KIF1B: variants seen among roughly 807,000 people sequenced by gnomAD.
KIF1B encodes kinesin family member 1B.
KIF1B carries 76 observed loss-of-function variants against 241.9 expected under a neutral mutation model. That is an observed-to-expected ratio of 0.31 (90% confidence interval 0.26 to 0.38). The LOEUF (loss-of-function observed/expected upper bound fraction) is 0.38, where lower values mean the gene tolerates loss of function less well. Among genes scored for constraint, KIF1B ranks in the 10% least tolerant of loss-of-function variants. KIF1B has a pLI of 1.00. For synonymous variants in KIF1B, 750 were observed against 796.7 expected, an observed-to-expected ratio of 0.94 and a Z score of 0.99; for missense variants, 1,622 against 2,271.4, an observed-to-expected ratio of 0.71 and a Z score of 5.81.
At chr1:10,349,445 A>G (rs992688765) in intron 37 of KIF1B, among the ~76,000 whole-genome samples, 8 of 151,790 alleles carry the variant, frequency 5.3e-5, no homozygotes, top group African/African-American at 1.9e-4. Flanking sequence ...AAAAAAAAAA[A>G]GAAAAGAAAA....
Position 10,375,373 on chromosome 1 carries a change from G to T in KIF1B, c.5408G>T (p.Arg1803Leu), listed in dbSNP as rs1010276300. 6 of 1,607,200 alleles carry T rather than the reference G, an allele frequency of 3.7e-6. No individual in the cohort carries two copies. Among genetic ancestry groups the T allele is most frequent in the African/African-American group, 1.3e-5 (1 of 74,908 alleles). The part of the protein sequence containing the change: ...AFNPLLAGTI[R>L]SKLSRRCPSQ... The stretch of plus-strand genomic sequence containing the variant: ...AACCCACTTCTAGCTGGCACAATAC[G>T]GTAAGAAGTTTTGTTGTTGTTGTTG... The change falls in exon 48 of 49, where the codon CGG (arginine) becomes CTG (leucine). Residue 1803 changes from arginine to leucine, a missense_variant and splice_region_variant. This residue lies in a region of KIF1B where 357 missense variants were observed against 409.0 expected (regional missense o/e 0.87). Coordinates refer to ENST00000676179, the MANE Select transcript of KIF1B (RefSeq NM_001365951.3).
intron 8 of KIF1B, among the ~76,000 whole-genome samples, chr1:10,271,820 A>G (rs1367396287): frequency 6.6e-6 from 1 of 152,218 alleles, no homozygotes; most frequent in Non-Finnish European, 1.5e-5. Context: ...ATGGAAGGAT[A>G]AGTTATCTAA....
chr1:10,246,659 G>A (rs1029234914), intron 2 of KIF1B, among the ~76,000 whole-genome samples: 2 of 152,184 alleles, frequency 1.3e-5, no homozygotes, highest in African/African-American at 4.8e-5. Flanking sequence ...CAGGAGGATC[G>A]CTTGAACCTG....
chr1:10,251,442 A>G (rs989397311), intron 2 of KIF1B, among the ~76,000 whole-genome samples: 1 of 151,952 alleles, frequency 6.6e-6, no homozygotes, highest in African/African-American at 2.4e-5. Flanking sequence ...ATATGGCTTA[A>G]AAGCTTTATT....
At chr1:10,279,166 C>T (rs1347035379) in intron 14 of KIF1B, 28 bp downstream of exon 14, 5 of 1,475,326 alleles carry the variant, frequency 3.4e-6, no homozygotes, top group Non-Finnish European at 4.6e-6. Context: ...TGGTTATTTC[C>T]AGTACTCTGA....
chr1:10,332,499 TC>T (rs2102309440), intron 27 of KIF1B, among the ~76,000 whole-genome samples: 1 of 132,636 alleles, frequency 7.5e-6, no homozygotes, highest in Non-Finnish European at 1.6e-5. Flanking sequence ...AAGATAATAG[TC>T]ATTTTTTTTT....
At chr1:10,367,135 A>G (rs1310413855) in intron 43 of KIF1B, among the ~76,000 whole-genome samples, 5 of 151,658 alleles carry the variant, frequency 3.3e-5, no homozygotes, top group Non-Finnish European at 7.4e-5. Flanking sequence ...CACTCCTGTC[A>G]CACAGGCTGG....
At chr1:10,304,267 C>A in intron 22 of KIF1B, 1 of 1,614,170 alleles carries the variant, frequency 6.2e-7, no homozygotes, top group Non-Finnish European at 8.5e-7. Context: ...AATGAGAAGT[C>A]AAGATCACAT....
chr1:10,334,945 T>G (rs1019558332), intron 28 of KIF1B, among the ~76,000 whole-genome samples: 38 of 151,556 alleles, frequency 2.5e-4, no homozygotes, highest in African/African-American at 4.3e-4. Flanking sequence ...GTGTGTTGTT[T>G]TTTTTTTTTT....
intron 31 of KIF1B, among the ~76,000 whole-genome samples, chr1:10,338,637 A>G (rs957348679): frequency 1.3e-5 from 2 of 152,246 alleles, no homozygotes; most frequent in African/African-American, 2.4e-5. Context: ...CCTTTGTCCT[A>G]CAATCTCCTA....
chr1:10,274,450 C>A (rs1648993045), intron 10 of KIF1B, among the ~76,000 whole-genome samples: 1 of 152,124 alleles, frequency 6.6e-6, no homozygotes, highest in African/African-American at 2.4e-5. Flanking sequence ...CTTAATAGAA[C>A]ATTCATCTTT....
At chr1:10,226,027 T>C (rs553942886) in intron 1 of KIF1B, among the ~76,000 whole-genome samples, 28 of 151,844 alleles carry the variant, frequency 1.8e-4, no homozygotes, top group African/African-American at 6.5e-4. Flanking sequence ...AAAAAGAAAA[T>C]GGGGATATTG....
chr1:10,298,272 G>C (rs529845859), intron 22 of KIF1B, among the ~76,000 whole-genome samples: 1 of 152,196 alleles, frequency 6.6e-6, no homozygotes, highest in African/African-American at 2.4e-5. Flanking sequence ...ATAAAATACA[G>C]CATGTAAACT....
At chr1:10,371,420 A>G (rs1557743803) in intron 45 of KIF1B, among the ~76,000 whole-genome samples, 158 bp downstream of exon 45, 2 of 152,108 alleles carry the variant, frequency 1.3e-5, no homozygotes, top group African/African-American at 4.8e-5. Context: ...GTGACTGGAG[A>G]GGTGCTAGCT....
intron 24 of KIF1B, among the ~76,000 whole-genome samples, chr1:10,323,253 C>G (rs994323593): frequency 6.6e-6 from 1 of 152,184 alleles, no homozygotes; most frequent in African/African-American, 2.4e-5. Context: ...TAGTGAGGGA[C>G]TAGATATGCA....
chr1:10,364,422 C>G (rs1054045629), intron 41 of KIF1B, among the ~76,000 whole-genome samples: 1 of 151,778 alleles, frequency 6.6e-6, no homozygotes, highest in African/African-American at 2.4e-5. Context: ...CCAGGCTGGT[C>G]TCGAACTCCT....
At chr1:10,247,601 C>T (rs1647244576) in intron 2 of KIF1B, among the ~76,000 whole-genome samples, 1 of 152,082 alleles carries the variant, frequency 6.6e-6, no homozygotes, top group African/African-American at 2.4e-5. Context: ...AGGCCTTGAG[C>T]CAAAATGTGA....
chr1:10,361,393 C>T (rs538940305), intron 39 of KIF1B, among the ~76,000 whole-genome samples: 24 of 152,286 alleles, frequency 1.6e-4, no homozygotes, highest in African/African-American at 5.5e-4. Flanking sequence ...CCCAGCCTGT[C>T]GGTTCAAATC....
At position 10,210,786 on chromosome 1, in the gene KIF1B, G is replaced by A. The variant is rs1437499124; in HGVS notation, c.-172G>A. On this transcript the variant is annotated 5_prime_UTR_variant, in exon 1 of 49. Transcript: ENST00000676179. The surrounding 1 kb of genome is among the most constrained non-coding windows in gnomAD (Gnocchi z 4.1). The stretch of plus-strand genomic sequence containing the variant: ...CTGCGGCTCGCGGCGGCCGCTGCTC[G>A]CGCTGAGGTGCGTCGGTGCCCGGCC... The A allele has an allele frequency of 6.0e-5, 9 of 149,374 alleles. No individual in the cohort carries two copies. Among genetic ancestry groups the A allele is most frequent in the African/African-American group, 2.2e-4 (9 of 41,158 alleles). 9.3% of individuals were successfully genotyped at this position (149,374 alleles called of 1,614,324 possible).
Sources: gnomAD v4.1 joint callset for allele counts (sites outside exome capture counted in the v4.1 genomes callset) on GRCh38, gnomAD v4.1.1 for gene constraint, gnomAD v4.1.1 regional missense constraint, Gnocchi (gnomAD v3.1) non-coding constraint, MANE v1.5 for transcripts, NCBI Gene and HGNC (gene_info 2026-07-23, HGNC 2026-07-21) for gene names.